The following SLC36A4 variants were observed in gnomAD, a reference collection of about 807,000 sequenced individuals.
The protein encoded by SLC36A4 is solute carrier family 36 member 4, also known as neutral amino acid uniporter 4.
A neutral mutation model predicts 50.5 loss-of-function variants in SLC36A4; 49 were observed. The ratio of observed to expected loss-of-function variants is 0.97; its 90% CI spans 0.77 to 1.23. The LOEUF is 1.23. Among genes scored for constraint, SLC36A4 ranks in the 50% most tolerant of loss-of-function variants. The pLI, the probability that SLC36A4 is intolerant of heterozygous loss-of-function variation, is 0.00. For missense variants in SLC36A4, 611 were observed against 608.4 expected, an observed-to-expected ratio of 1.00 and a Z score of -0.05; for synonymous variants, 207 against 206.5, an observed-to-expected ratio of 1.00 and a Z score of -0.02.
chr11:93,175,317 G>A lies in SLC36A4; in HGVS notation c.540+5480C>T, dbSNP rs1404150104. Reference sequence around the variant, plus strand: ...TATCCCCTTTATCATTTTTTATTGCGTCTATTTGATTCTTCTCTCTTTTTT... The same window carrying A: ...TATCCCCTTTATCATTTTTTATTGCATCTATTTGATTCTTCTCTCTTTTTT... On this transcript the variant is annotated intron_variant, in intron 6 of 10. Coordinates refer to ENST00000326402, the MANE Select transcript of SLC36A4 (RefSeq NM_152313.4). Among the ~76,000 whole-genome samples, 619 of 151,126 alleles carry A rather than the reference G, an allele frequency of 4.1e-3. 6 individuals carry two copies. Among genetic ancestry groups the A allele is most frequent in the Middle Eastern group, 0.021 (6 of 292 alleles).
chr11:93,154,031 GA>G, intron 10 of SLC36A4, 76 bp downstream of exon 10: 1 of 677,984 alleles, frequency 1.5e-6, no homozygotes, highest in Non-Finnish European at 2.2e-6. Context: ...TTCATTTTAA[GA>G]AATTACATCT....
At chr11:93,149,769 A>C (rs1859994960) in intron 10 of SLC36A4, among the ~76,000 whole-genome samples, 1 of 152,048 alleles carries the variant, frequency 6.6e-6, no homozygotes, top group Admixed American at 6.6e-5. Flanking sequence ...TGGACCAGAA[A>C]AGGATCTTAG....
intron 9 of SLC36A4, among the ~76,000 whole-genome samples, chr11:93,161,978 A>C (rs1860638799): frequency 6.6e-6 from 1 of 152,194 alleles, no homozygotes; most frequent in Admixed American, 6.5e-5. Context: ...TATTATTTAT[A>C]ATGTGTCCCA....
At chr11:93,196,007 T>G (rs1366925810) in intron 1 of SLC36A4, among the ~76,000 whole-genome samples, 1 of 152,218 alleles carries the variant, frequency 6.6e-6, no homozygotes, top group Non-Finnish European at 1.5e-5. Context: ...TTCCCATTAC[T>G]AAATACAAGC....
At chr11:93,171,411 T>C (rs1195280777) in intron 6 of SLC36A4, 2 of 152,040 alleles carry the variant, frequency 1.3e-5, no homozygotes, top group Non-Finnish European at 2.9e-5. Context: ...CATGGGGTGA[T>C]TAACAATTAA....
chr11:93,197,560 A>T, intron 1 of SLC36A4: 3 of 570,402 alleles, frequency 5.3e-6, no homozygotes. Flanking sequence ...AAACACACAC[A>T]CACATATTTT....
intron 9 of SLC36A4, chr11:93,160,252 C>T (rs562104450): frequency 1.0e-6 from 1 of 985,406 alleles, no homozygotes; most frequent in East Asian, 1.1e-4. Flanking sequence ...GGCATATCTC[C>T]ACAGTGCAAA....
chr11:93,155,832 T>C (rs188270499), intron 9 of SLC36A4, among the ~76,000 whole-genome samples: 62 of 152,222 alleles, frequency 4.1e-4, no homozygotes, highest in Non-Finnish European at 7.1e-4. Context: ...TGGTATTTGG[T>C]TTTCTGTTCC....
chr11:93,162,712 T>A lies in SLC36A4; in HGVS notation c.1031A>T (p.Asp344Val). Reference sequence around the variant, plus strand: ...CAAATTCATATACACCTACCATACATCTTGGGGAAGATTTAAAGTTATGCT... The same window carrying A: ...CAAATTCATATACACCTACCATACAACTTGGGGAAGATTTAAAGTTATGCT... ...KGSITLNLPQ[D>V]VWLYQSVKIL... is the part of the protein sequence containing the mutation. Residue 344 changes from aspartate (D) to valine (V), a missense_variant, in exon 9 of 11, where the codon GAT becomes GTT. By Grantham distance (152) the Asp-to-Val change is radical (BLOSUM62 -3). Coordinates refer to ENST00000326402, the MANE Select transcript of SLC36A4 (RefSeq NM_152313.4). 1 of 1,608,014 alleles carries A rather than the reference T, an allele frequency of 6.2e-7. No homozygotes were observed. The highest frequency in any genetic ancestry group is 8.5e-7 in the Non-Finnish European group (1 of 1,177,660).
At chr11:93,177,798 C>A (rs1054078939) in intron 6 of SLC36A4, among the ~76,000 whole-genome samples, 1 of 152,176 alleles carries the variant, frequency 6.6e-6, no homozygotes, top group Non-Finnish European at 1.5e-5. Flanking sequence ...GAGGCGTCTC[C>A]CAGTTAGGCT....
intron 10 of SLC36A4, among the ~76,000 whole-genome samples, chr11:93,149,815 A>G (rs566327297): frequency 1.3e-5 from 2 of 152,140 alleles, no homozygotes; most frequent in Non-Finnish European, 2.9e-5. Context: ...AGGTCTATAA[A>G]GTAGTTAATA....
chr11:93,164,410 G>A (rs1860770497), intron 8 of SLC36A4, among the ~76,000 whole-genome samples: 1 of 152,172 alleles, frequency 6.6e-6, no homozygotes, highest in South Asian at 2.1e-4. Context: ...AAAGACCTAA[G>A]TAACAATAAT....
At chr11:93,186,779 T>C (rs1333289452) in intron 1 of SLC36A4, among the ~76,000 whole-genome samples, 1 of 152,186 alleles carries the variant, frequency 6.6e-6, no homozygotes, top group Admixed American at 6.5e-5. Flanking sequence ...TGCCAAAGTT[T>C]CCTCAATCTT....
At chr11:93,165,023 T>G (rs575211210) in intron 8 of SLC36A4, among the ~76,000 whole-genome samples, 1 of 152,240 alleles carries the variant, frequency 6.6e-6, no homozygotes, top group East Asian at 1.9e-4. Context: ...AAGACAAACA[T>G]GAAAATCTGT....
chr11:93,186,809 C>T (rs959850246), intron 1 of SLC36A4, among the ~76,000 whole-genome samples: 7 of 152,160 alleles, frequency 4.6e-5, no homozygotes, highest in African/African-American at 1.7e-4. Flanking sequence ...GGAAGAAGTA[C>T]ATCTTCTTAA....
chr11:93,146,757 C>A lies in SLC36A4; in HGVS notation c.*1780G>T, dbSNP rs755175080. 1.4e-4 allele frequency: 21 copies of A among 152,000 alleles called. No individual in the cohort carries two copies. Among genetic ancestry groups the A allele is most frequent in the Non-Finnish European group, 2.8e-4 (19 of 67,970 alleles). 9.4% of individuals were successfully genotyped at this position (152,000 alleles called of 1,614,324 possible). On this transcript the variant is annotated 3_prime_UTR_variant, in exon 11 of 11. Transcript: ENST00000326402. ...GAGTAAACAGTTCATGTTTTAAAGT[C>A]TAAATTGTTTTTAAAGTCAGAAGAC...
chr11:93,187,613 C>A (rs184961459), intron 1 of SLC36A4, among the ~76,000 whole-genome samples: 217 of 152,146 alleles, frequency 1.4e-3, no homozygotes, highest in African/African-American at 4.9e-3. Context: ...TAATTTATTT[C>A]TTATTTGTGA....
chr11:93,188,361 G>A (rs1862077219), intron 1 of SLC36A4, among the ~76,000 whole-genome samples: 1 of 152,166 alleles, frequency 6.6e-6, no homozygotes, highest in Non-Finnish European at 1.5e-5. Context: ...GAAGATGCTT[G>A]AAAACAGTCT....
intron 10 of SLC36A4, among the ~76,000 whole-genome samples, chr11:93,151,780 C>T (rs1860098044): frequency 6.6e-6 from 1 of 151,888 alleles, no homozygotes; most frequent in African/African-American, 2.4e-5. Flanking sequence ...GTAAATAGTA[C>T]TTAGTATATT....
Sources: gnomAD v4.1 joint callset for allele counts (sites outside exome capture counted in the v4.1 genomes callset) on GRCh38, gnomAD v4.1.1 for gene constraint, MANE v1.5 for transcripts, NCBI Gene and HGNC (gene_info 2026-07-23, HGNC 2026-07-21) for gene names.